SUPT3H: variants seen among roughly 807,000 people sequenced by gnomAD.
SUPT3H encodes the protein transcription initiation protein SPT3 homolog.
SUPT3H carries 44 observed loss-of-function variants against 44.3 expected under a neutral mutation model. The observed-to-expected ratio is 0.99, with a 90% confidence interval of 0.78 to 1.28. SUPT3H has a LOEUF of 1.28. SUPT3H is among the 50% of genes most tolerant of loss of function. The pLI is 0.00. For synonymous variants in SUPT3H, 124 were observed against 125.6 expected, an observed-to-expected ratio of 0.99 and a Z score of 0.09; for missense variants, 380 against 387.1, an observed-to-expected ratio of 0.98 and a Z score of 0.15.
intron 2 of SUPT3H, among the ~76,000 whole-genome samples, chr6:45,274,187 C>A (rs1296997741): frequency 6.6e-6 from 1 of 152,184 alleles, no homozygotes; most frequent in Admixed American, 6.5e-5. Context: ...TTCACAGATA[C>A]AAGTAACTTA....
intron 10 of SUPT3H, among the ~76,000 whole-genome samples, chr6:44,838,909 T>C (rs1437419729): frequency 6.6e-6 from 1 of 152,230 alleles, no homozygotes; most frequent in African/African-American, 2.4e-5. Flanking sequence ...TACACATCTA[T>C]ATTTCTAAAA....
At chr6:45,052,472 C>T (rs1027803801) in intron 3 of SUPT3H, among the ~76,000 whole-genome samples, 2 of 152,120 alleles carry the variant, frequency 1.3e-5, no homozygotes, top group South Asian at 2.1e-4. Flanking sequence ...GGCATGACTA[C>T]CTTTCAGTAG....
intron 10 of SUPT3H, among the ~76,000 whole-genome samples, chr6:44,867,368 T>G (rs1752215562): frequency 6.6e-6 from 1 of 152,162 alleles, no homozygotes; most frequent in Non-Finnish European, 1.5e-5. Flanking sequence ...TTCGAACTCC[T>G]GACCTCAAGT....
chr6:45,277,267 T>C (rs1210215892), intron 2 of SUPT3H, among the ~76,000 whole-genome samples: 2 of 152,230 alleles, frequency 1.3e-5, no homozygotes, highest in African/African-American at 4.8e-5. Flanking sequence ...GCTATTTTTA[T>C]GTTACTGCAT....
chr6:45,225,757 T>A (rs1656349807), intron 2 of SUPT3H, among the ~76,000 whole-genome samples: 1 of 152,224 alleles, frequency 6.6e-6, no homozygotes, highest in South Asian at 2.1e-4. Context: ...AGTATATTTC[T>A]GTCTCATCAC....
intron 3 of SUPT3H, among the ~76,000 whole-genome samples, chr6:45,081,232 C>T (rs551953823): frequency 3.3e-5 from 5 of 152,068 alleles, no homozygotes; most frequent in East Asian, 1.9e-4. Flanking sequence ...CATTTCAGCT[C>T]GTCCCATTTG....
At chr6:44,936,435 C>A (rs192560891) in intron 9 of SUPT3H, among the ~76,000 whole-genome samples, 1 of 152,106 alleles carries the variant, frequency 6.6e-6, no homozygotes, top group Non-Finnish European at 1.5e-5. Flanking sequence ...TTAGGATATC[C>A]ATTTCTTGAG....
chr6:44,972,969 T>G (rs62436411), intron 6 of SUPT3H, among the ~76,000 whole-genome samples: 33,131 of 152,142 alleles, frequency 0.22, 4,145 homozygotes, highest in Non-Finnish European at 0.29. Flanking sequence ...TGACATGCCT[T>G]GGAGACATTT....
chr6:44,931,732 AAAAT>A (rs1770626784), intron 10 of SUPT3H, among the ~76,000 whole-genome samples: 1 of 152,144 alleles, frequency 6.6e-6, no homozygotes, highest in Non-Finnish European at 1.5e-5. Flanking sequence ...ACAACTAAAA[AAAAT>A]AAAGGATGGA....
rs138409098 is a variant in SUPT3H at position 45,319,400 on chromosome 6, G to A, written c.101+45801C>T. ...AAATTACTTGAGACATATTCTTGCC[G>A]GTATATCTAATAATTAGAATTGCTT... On this transcript the variant is annotated intron_variant, in intron 2 of 10. Coordinates refer to ENST00000371459, the MANE Select transcript of SUPT3H (RefSeq NM_003599.4). Among the ~76,000 whole-genome samples, 2 of 152,058 alleles carry A rather than the reference G, an allele frequency of 1.3e-5. 1 individual carries two copies. Among genetic ancestry groups the A allele is most frequent in the Non-Finnish European group, 2.9e-5 (2 of 67,950 alleles).
rs1006637381 is a variant in SUPT3H, at chr6:45,328,496, G to T, written c.101+36705C>A. On this transcript the variant is annotated intron_variant, in intron 2 of 10. Transcript: ENST00000371459. ...TCTAACCACAGTCTATGCAGTAATAGTAGGTCCTTCAAATATTTGCTCATT... is the reference window on the plus strand; with the variant it reads ...TCTAACCACAGTCTATGCAGTAATATTAGGTCCTTCAAATATTTGCTCATT... The T allele has an allele frequency of 3.3e-6, 5 of 1,520,860 alleles. No homozygotes were observed. The African/African-American group carries it at 5.6e-5, about 17-fold the overall frequency. The allele number at this position is 1,520,860 out of a possible 1,614,324, so 94.2% of individuals were successfully genotyped here.
chr6:45,354,168 C>T (rs1475820003), intron 2 of SUPT3H, among the ~76,000 whole-genome samples: 2 of 152,034 alleles, frequency 1.3e-5, no homozygotes, highest in Admixed American at 6.6e-5. Context: ...TCCTCTATGA[C>T]TTTCAAATAG....
At chr6:45,313,052 T>C (rs1784200318) in intron 2 of SUPT3H, among the ~76,000 whole-genome samples, 2 of 152,038 alleles carry the variant, frequency 1.3e-5, no homozygotes, top group South Asian at 2.1e-4. Flanking sequence ...GGATCAAAAA[T>C]GAAATCAAAA....
At chr6:44,833,660 T>C (rs1241916231) in intron 10 of SUPT3H, among the ~76,000 whole-genome samples, 1 of 152,156 alleles carries the variant, frequency 6.6e-6, no homozygotes, top group Non-Finnish European at 1.5e-5. Context: ...TTTTCATGTC[T>C]GTATCTAATT....
intron 10 of SUPT3H, among the ~76,000 whole-genome samples, chr6:44,837,263 T>C (rs555553835): frequency 2.2e-4 from 33 of 152,332 alleles, no homozygotes; most frequent in African/African-American, 7.2e-4. Context: ...GAGTAACCTA[T>C]AACCTCCAGA....
At chr6:45,328,619 T>G (rs202046248) in intron 2 of SUPT3H, 1 of 1,608,930 alleles carries the variant, frequency 6.2e-7, no homozygotes, top group East Asian at 2.2e-5. Context: ...CCAGGCATAC[T>G]GTAAAACTAA....
chr6:45,086,178 A>T (rs1051775604), intron 3 of SUPT3H, among the ~76,000 whole-genome samples: 8 of 152,074 alleles, frequency 5.3e-5, no homozygotes, highest in African/African-American at 1.4e-4. Context: ...TTAATGAGAG[A>T]CACAAAAAAT....
At chr6:45,209,534 T>C (rs1324404764) in intron 2 of SUPT3H, among the ~76,000 whole-genome samples, 2 of 152,216 alleles carry the variant, frequency 1.3e-5, no homozygotes. Context: ...AAGTAGAGCC[T>C]GTTGTGTGAC....
chr6:45,244,407 T>A (rs985572515), intron 2 of SUPT3H, among the ~76,000 whole-genome samples: 3 of 152,214 alleles, frequency 2.0e-5, no homozygotes, highest in African/African-American at 7.2e-5. Flanking sequence ...TCATCTCATT[T>A]TTAAATCATT....
Sources: allele counts gnomAD v4.1 joint callset (sites outside exome capture counted in the v4.1 genomes callset), GRCh38; gene constraint gnomAD v4.1.1; transcripts MANE v1.5; gene names NCBI Gene and HGNC (gene_info 2026-07-23, HGNC 2026-07-21).